WDR7: variants seen among roughly 807,000 people sequenced by gnomAD.
The protein encoded by WDR7 is WD repeat domain 7, also known as WD repeat-containing protein 7.
A neutral mutation model predicts 169.4 loss-of-function variants in WDR7; 46 were observed. That is an observed-to-expected ratio of 0.27 (90% CI 0.21 to 0.35). WDR7 has a LOEUF of 0.35. Ranked by LOEUF, WDR7 falls within the 10% of genes least tolerant of loss-of-function variation. WDR7 has a pLI of 1.00. For synonymous variants in WDR7, 612 were observed against 666.8 expected (o/e 0.92, Z 1.27); for missense variants, 1,534 against 1,859.3 (o/e 0.83, Z 3.22).
intron 16 of WDR7, among the ~76,000 whole-genome samples, chr18:56,760,626 C>T (rs555494165): frequency 1.3e-5 from 2 of 152,200 alleles, no homozygotes; most frequent in South Asian, 2.1e-4. Flanking sequence ...ATAAATGATT[C>T]TGCTATGAGC....
intron 21 of WDR7, among the ~76,000 whole-genome samples, chr18:56,883,756 A>G (rs1244350953): frequency 6.6e-6 from 1 of 152,144 alleles, no homozygotes; most frequent in Non-Finnish European, 1.5e-5. Context: ...GTGAGAACAT[A>G]CGATGTTTGG....
intron 25 of WDR7, among the ~76,000 whole-genome samples, chr18:56,961,256 C>A (rs2047335219): frequency 6.6e-6 from 1 of 152,060 alleles, no homozygotes; most frequent in South Asian, 2.1e-4. Context: ...ACTAGAATAT[C>A]AGAAATGCTG....
intron 15 of WDR7, among the ~76,000 whole-genome samples, chr18:56,757,958 G>A (rs1462707460): frequency 6.7e-6 from 1 of 148,202 alleles, no homozygotes; most frequent in Non-Finnish European, 1.5e-5. Flanking sequence ...AACAGAGTAA[G>A]ACTCTGTCTC....
chr18:56,931,641 A>G (rs7239374), intron 22 of WDR7, among the ~76,000 whole-genome samples: 18,240 of 152,164 alleles, frequency 0.12, 3,494 homozygotes, highest in African/African-American at 0.41. Flanking sequence ...AGGCCTGGCA[A>G]AATGTGATTT....
chr18:56,937,484 T>C (rs2145694195), intron 23 of WDR7, among the ~76,000 whole-genome samples: 1 of 152,348 alleles, frequency 6.6e-6, no homozygotes, highest in East Asian at 1.9e-4. Flanking sequence ...TTTCTTATTA[T>C]TATCTCTGAC....
intron 20 of WDR7, among the ~76,000 whole-genome samples, chr18:56,851,028 C>A (rs763663078): frequency 9.2e-5 from 14 of 152,094 alleles, no homozygotes; most frequent in Admixed American, 6.6e-5. Context: ...TCTGTTTAAC[C>A]ACTTCAGGGT....
intron 19 of WDR7, among the ~76,000 whole-genome samples, chr18:56,799,999 G>C (rs1459082257): frequency 6.6e-6 from 1 of 152,140 alleles, no homozygotes; most frequent in Non-Finnish European, 1.5e-5. Context: ...TGTAGCCTAA[G>C]AGTAGGCTGC....
chr18:56,980,251 T>TA (rs2047622129), intron 26 of WDR7, among the ~76,000 whole-genome samples: 1 of 152,206 alleles, frequency 6.6e-6, no homozygotes, highest in African/African-American at 2.4e-5. Flanking sequence ...ATATTTTTAA[T>TA]ACAAAGGGGC....
chr18:56,772,500 A>G (rs1053834564), intron 16 of WDR7, among the ~76,000 whole-genome samples: 6 of 152,214 alleles, frequency 3.9e-5, no homozygotes, highest in Non-Finnish European at 7.3e-5. Flanking sequence ...CTTAGAAGAA[A>G]TAGGTACACA....
chr18:57,025,100 A>G (rs2048348765), intron 27 of WDR7, among the ~76,000 whole-genome samples: 1 of 152,276 alleles, frequency 6.6e-6, no homozygotes, highest in African/African-American at 2.4e-5. Flanking sequence ...TTTAGCTCTC[A>G]ACCCATTTTT....
chr18:57,007,340 T>G (rs1253442247), intron 26 of WDR7, among the ~76,000 whole-genome samples: 1 of 152,222 alleles, frequency 6.6e-6, no homozygotes, highest in African/African-American at 2.4e-5. Context: ...AAAATAATTA[T>G]ACTTGGAGAA....
At chr18:56,958,606 G>A (rs569558250) in intron 25 of WDR7, among the ~76,000 whole-genome samples, 14 of 151,838 alleles carry the variant, frequency 9.2e-5, no homozygotes, top group Non-Finnish European at 1.8e-4. Flanking sequence ...TTTTTATTAT[G>A]TAACTGTCAG....
rs1234606633 is a variant in WDR7 at position 57,029,757 on chromosome 18, G to A, written c.*2550G>A. ...CTCTATGTGTGCTGAATGTTCCTGT[G>A]TACATATGTGTGTTAAATAAAACAA... On this transcript the variant is annotated 3_prime_UTR_variant, in exon 28 of 28. Transcript: ENST00000254442. 4 of 152,140 alleles carry A rather than the reference G, an allele frequency of 2.6e-5. No individual in the cohort carries two copies. The East Asian group carries it at 7.7e-4, about 29-fold the overall frequency. 9.4% of individuals were successfully genotyped at this position (152,140 alleles called of 1,614,324 possible). A position where few individuals can be genotyped will look rare whatever the true frequency, so the allele number is the denominator to read the frequency against.
At chr18:56,716,252 ATAAG>A (rs1408269565) in intron 12 of WDR7, among the ~76,000 whole-genome samples, 6 of 152,234 alleles carry the variant, frequency 3.9e-5, no homozygotes, top group Admixed American at 3.9e-4. Context: ...TATCAGGAAA[ATAAG>A]TAAGCTTAAA....
chr18:57,017,911 A>G (rs1187663193), intron 26 of WDR7, among the ~76,000 whole-genome samples: 1 of 152,220 alleles, frequency 6.6e-6, no homozygotes, highest in African/African-American at 2.4e-5. Context: ...GATGTTTTAA[A>G]TACTCGCCAG....
chr18:56,718,019 T>A lies in WDR7; in HGVS notation c.1634T>A (p.Leu545Gln), dbSNP rs1246057576. The A allele has an allele frequency of 1.2e-6, 2 of 1,614,164 alleles. No individual in the cohort carries two copies. The highest frequency in any genetic ancestry group is 3.3e-5 in the Admixed American group (2 of 60,028). Residue 545 changes from leucine to glutamine, a missense_variant, in exon 13 of 28, where the codon CTA becomes CAA. Transcript: ENST00000254442. Reference protein sequence around the residue: ...SVASDHSVGLLSLREKKCIML... With the variant: ...SVASDHSVGLQSLREKKCIML... ...GCCAGTGACCACTCAGTAGGACTTC[T>A]AAGTTTGCGAGAGAAAAAATGCATA...
chr18:56,950,312 G>A (rs2047164221), intron 25 of WDR7, among the ~76,000 whole-genome samples: 4 of 152,170 alleles, frequency 2.6e-5, no homozygotes. Flanking sequence ...CACTGCCAGC[G>A]TGGCAGTGAA....
At chr18:56,994,176 C>G (rs117551351) in intron 26 of WDR7, among the ~76,000 whole-genome samples, 144 of 152,134 alleles carry the variant, frequency 9.5e-4, no homozygotes, top group Middle Eastern at 3.4e-3. Flanking sequence ...TACGCCACCA[C>G]GCCTGGCTAA....
intron 21 of WDR7, among the ~76,000 whole-genome samples, chr18:56,908,101 G>A (rs889053196): frequency 2.6e-5 from 4 of 152,028 alleles, no homozygotes; most frequent in African/African-American, 9.7e-5. Context: ...AGCTGAAACT[G>A]GTCTGATTTT....
Sources: allele counts gnomAD v4.1 joint callset (sites outside exome capture counted in the v4.1 genomes callset), GRCh38; gene constraint gnomAD v4.1.1; transcripts MANE v1.5; gene names NCBI Gene and HGNC (gene_info 2026-07-23, HGNC 2026-07-21).